The following TNPO1 variants were observed in gnomAD, a reference collection of about 807,000 sequenced individuals.
TNPO1 encodes the protein transportin-1.
A neutral mutation model predicts 119.5 loss-of-function variants in TNPO1; 8 were observed. The observed-to-expected ratio is 0.07, with a 90% CI of 0.04 to 0.12. The LOEUF is 0.12. TNPO1 is among the 10% of genes least tolerant of loss of function. The pLI is 1.00. For synonymous variants in TNPO1, 362 were observed against 363.0 expected (o/e 1.00, Z 0.03); for missense variants, 576 against 1,089.8 (o/e 0.53, Z 6.64).
intron 6 of TNPO1, among the ~76,000 whole-genome samples, chr5:72,869,411 G>A (rs1205818911): frequency 2.0e-5 from 3 of 152,016 alleles, no homozygotes; most frequent in African/African-American, 7.2e-5. Context: ...GCCTGGCATG[G>A]TGGCATGCAC....
chr5:72,863,880 A>G (rs76067090), intron 5 of TNPO1, among the ~76,000 whole-genome samples: 3,440 of 152,330 alleles, frequency 0.023, 59 homozygotes, highest in South Asian at 0.04. Flanking sequence ...AAGAAGATCA[A>G]AATTTTAAGC....
At chr5:72,851,770 A>G (rs1393530386) in intron 3 of TNPO1, among the ~76,000 whole-genome samples, 5 of 152,216 alleles carry the variant, frequency 3.3e-5, no homozygotes, top group Non-Finnish European at 1.5e-5. Flanking sequence ...CTCGGATTGC[A>G]GGTGTGAGCC....
At chr5:72,826,154 C>G (rs1744197730) in intron 1 of TNPO1, among the ~76,000 whole-genome samples, 1 of 152,068 alleles carries the variant, frequency 6.6e-6, no homozygotes. Flanking sequence ...CAGATCTTAC[C>G]ATCTATGAAT....
intron 1 of TNPO1, among the ~76,000 whole-genome samples, chr5:72,828,512 TAC>T (rs1744303548): frequency 6.6e-6 from 1 of 152,192 alleles, no homozygotes; most frequent in African/African-American, 2.4e-5. Context: ...TCGCTGTCTC[TAC>T]ACACACATAC....
At chr5:72,881,736 C>G (rs1354355214) in intron 9 of TNPO1, among the ~76,000 whole-genome samples, 2 of 152,194 alleles carry the variant, frequency 1.3e-5, no homozygotes, top group Non-Finnish European at 2.9e-5. Context: ...TGCCCCAAAA[C>G]TTACAGATAG....
In TNPO1 at chr5:72,906,292, T is replaced by C. The variant is rs1045247906; in HGVS notation, c.*35+847T>C. Among the ~76,000 whole-genome samples, 216 of 118,432 alleles carry C rather than the reference T, an allele frequency of 1.8e-3. 2 individuals are homozygous for C. Among genetic ancestry groups the C allele is most frequent in the African/African-American group, 6.7e-3 (198 of 29,666 alleles). The allele number at this position is 118,432 out of a possible 152,430, so 77.7% of individuals were successfully genotyped here. ...TTTTTTTTCTTTTTTTTTTTTTTTTTTTTTTTTTTTTTTTTTTTTTTGAGA... is the reference window on the plus strand; with the variant it reads ...TTTTTTTTCTTTTTTTTTTTTTTTTCTTTTTTTTTTTTTTTTTTTTTGAGA... On this transcript the variant is annotated intron_variant, in intron 24 of 24. Coordinates refer to ENST00000337273, the MANE Select transcript of TNPO1 (RefSeq NM_002270.4).
At position 72,834,720 on chromosome 5, in the gene TNPO1, G is replaced by T. The variant is rs1306263705; in HGVS notation, c.16-13665G>T. On this transcript the variant is annotated intron_variant, in intron 1 of 24. Transcript: ENST00000337273. The stretch of plus-strand genomic sequence containing the variant: ...TTTATTATTGAAGAAAGAAATTGTT[G>T]TTTAAGTACAGTAGTGTACAGTATT... Among the ~76,000 whole-genome samples, 3 of 152,230 alleles carry T rather than the reference G, an allele frequency of 2.0e-5. No individual in the cohort carries two copies. In the East Asian group the frequency reaches 5.8e-4, roughly 29 times the overall value.
intron 9 of TNPO1, among the ~76,000 whole-genome samples, chr5:72,880,358 C>T (rs554848242): frequency 6.6e-6 from 1 of 152,114 alleles, no homozygotes; most frequent in South Asian, 2.1e-4. Flanking sequence ...CTCGTTTTTA[C>T]AAAATTGTTT....
intron 15 of TNPO1, among the ~76,000 whole-genome samples, chr5:72,892,507 C>T (rs2112459494): frequency 6.6e-6 from 1 of 152,198 alleles, no homozygotes; most frequent in Non-Finnish European, 1.5e-5. Context: ...ATTCTGGGCC[C>T]AGCAAAACAA....
In TNPO1 at chr5:72,904,562, G is replaced by A. The variant is rs565310881; in HGVS notation, c.2590-741G>A. Among the ~76,000 whole-genome samples the A allele has an allele frequency of 6.6e-5, 10 of 152,240 alleles. No homozygotes were observed. In the East Asian group the frequency reaches 1.5e-3, roughly 24 times the overall value. On this transcript the variant is annotated intron_variant, in intron 23 of 24. Coordinates refer to ENST00000337273, the MANE Select transcript of TNPO1 (RefSeq NM_002270.4). Reference sequence around the variant, plus strand: ...TGTAATCCCAGCACTTTGGGAGGCCGAGGCAGGTGGATCACCTGAGGTCAG... The same window carrying A: ...TGTAATCCCAGCACTTTGGGAGGCCAAGGCAGGTGGATCACCTGAGGTCAG...
intron 1 of TNPO1, among the ~76,000 whole-genome samples, chr5:72,829,071 T>C (rs1744333563): frequency 6.6e-6 from 1 of 152,224 alleles, no homozygotes; most frequent in Non-Finnish European, 1.5e-5. Context: ...GGCAGTATTA[T>C]ATGGACATGG....
At chr5:72,882,942 T>A in intron 10 of TNPO1, 122 bp from the exon 11 acceptor site, 1 of 756,508 alleles carries the variant, frequency 1.3e-6, no homozygotes, top group Non-Finnish European at 2.3e-6. Context: ...TTAATCACTC[T>A]GGAAGTATAT....
chr5:72,895,939 C>T (rs930233556), intron 18 of TNPO1, among the ~76,000 whole-genome samples: 2 of 152,088 alleles, frequency 1.3e-5, no homozygotes, highest in Non-Finnish European at 2.9e-5. Flanking sequence ...AGTTGGCTCC[C>T]GAGTCCTTTC....
At chr5:72,833,777 C>T (rs13157620) in intron 1 of TNPO1, among the ~76,000 whole-genome samples, 72,059 of 151,976 alleles carry the variant, frequency 0.47, 18,314 homozygotes, top group Admixed American at 0.61. Flanking sequence ...AATTTTTATA[C>T]GTCTCATTAA....
chr5:72,902,241 G>A (rs1038444910), intron 22 of TNPO1, among the ~76,000 whole-genome samples: 3 of 152,078 alleles, frequency 2.0e-5, no homozygotes, highest in Admixed American at 6.5e-5. Flanking sequence ...TCCGAGAGGG[G>A]TGTTTTGAAC....
intron 1 of TNPO1, among the ~76,000 whole-genome samples, chr5:72,829,915 G>C (rs1401673923): frequency 6.6e-6 from 1 of 152,126 alleles, no homozygotes; most frequent in African/African-American, 2.4e-5. Context: ...GCTCTAGACA[G>C]GTTGTGGCTG....
chr5:72,829,253 A>G (rs1744339897), intron 1 of TNPO1, among the ~76,000 whole-genome samples: 1 of 152,244 alleles, frequency 6.6e-6, no homozygotes, highest in Non-Finnish European at 1.5e-5. Flanking sequence ...TTTTTGGTTC[A>G]GTGATGAACA....
chr5:72,874,545 TG>T (rs1747631612), intron 7 of TNPO1, among the ~76,000 whole-genome samples: 1 of 152,194 alleles, frequency 6.6e-6, no homozygotes, highest in Non-Finnish European at 1.5e-5. Context: ...CAATGCCTGC[TG>T]GGAAAATAGT....
intron 13 of TNPO1, among the ~76,000 whole-genome samples, chr5:72,888,533 G>A (rs1274218498): frequency 6.6e-6 from 1 of 152,180 alleles, no homozygotes; most frequent in Non-Finnish European, 1.5e-5. Context: ...TTGGCCAGGA[G>A]AATTTTGTCA....
Sources: gnomAD v4.1 joint callset for allele counts (sites outside exome capture counted in the v4.1 genomes callset) on GRCh38, gnomAD v4.1.1 for gene constraint, MANE v1.5 for transcripts, NCBI Gene and HGNC (gene_info 2026-07-23, HGNC 2026-07-21) for gene names.